DCAF5: variants seen among roughly 807,000 people sequenced by gnomAD.
The protein encoded by DCAF5 is DDB1 and CUL4 associated factor 5.
Under a neutral mutation model 80.7 loss-of-function variants are expected in DCAF5, and 9 were observed. That is an observed-to-expected ratio of 0.11 (90% CI 0.07 to 0.19). DCAF5 has a LOEUF of 0.19. Ranked by LOEUF, DCAF5 falls within the 10% of genes least tolerant of loss-of-function variation. The probability of loss-of-function intolerance (pLI) is 1.00; values close to 1 mark genes in which losing one functional copy is unlikely to be tolerated. For missense variants in DCAF5, 842 were observed against 1,205.7 expected, an observed-to-expected ratio of 0.70 and a Z score of 4.47; for synonymous variants, 433 against 461.9, an observed-to-expected ratio of 0.94 and a Z score of 0.80.
intron 6 of DCAF5, among the ~76,000 whole-genome samples, chr14:69,080,589 G>C (rs2039065463): frequency 6.6e-6 from 1 of 152,074 alleles, no homozygotes; most frequent in South Asian, 2.1e-4. Context: ...AATAGTACCT[G>C]CTCATTCTCA....
At chr14:69,129,671 A>C (rs1203669936) in intron 1 of DCAF5, among the ~76,000 whole-genome samples, 8 of 152,190 alleles carry the variant, frequency 5.3e-5, no homozygotes, top group Non-Finnish European at 1.2e-4. Context: ...CAGACCATTT[A>C]AGCCAGCCCC....
intron 6 of DCAF5, among the ~76,000 whole-genome samples, chr14:69,080,888 G>A (rs1438749524): frequency 6.6e-6 from 1 of 152,054 alleles, no homozygotes; most frequent in Non-Finnish European, 1.5e-5. Flanking sequence ...TGAAGTTTGT[G>A]GCCAAATGGG....
intron 5 of DCAF5, among the ~76,000 whole-genome samples, chr14:69,105,227 G>A (rs531899666): frequency 2.1e-4 from 32 of 152,088 alleles, no homozygotes; most frequent in African/African-American, 7.2e-4. Flanking sequence ...GCCAGAAGAT[G>A]GGACAATCCA....
At chr14:69,127,885 T>G (rs1268352789) in intron 1 of DCAF5, among the ~76,000 whole-genome samples, 2 of 152,200 alleles carry the variant, frequency 1.3e-5, no homozygotes, top group Non-Finnish European at 2.9e-5. Flanking sequence ...GAAGTAAATT[T>G]AACAAATCAT....
At chr14:69,066,618 T>C (rs1046797507) in intron 7 of DCAF5, among the ~76,000 whole-genome samples, 2 of 152,180 alleles carry the variant, frequency 1.3e-5, no homozygotes, top group East Asian at 3.8e-4. Flanking sequence ...GTAATCCACT[T>C]ACTACCGTAG....
chr14:69,078,874 CT>C (rs968533528), intron 6 of DCAF5, among the ~76,000 whole-genome samples: 16 of 149,364 alleles, frequency 1.1e-4, no homozygotes, highest in African/African-American at 2.9e-4. Flanking sequence ...TTAATGTACA[CT>C]TTTTTTTTTG....
Position 69,098,879 on chromosome 14 carries a change from C to T in DCAF5, c.666-6992G>A, listed in dbSNP as rs185970612. On this transcript the variant is annotated intron_variant, in intron 5 of 8. Transcript: ENST00000341516. ...CTGCACTCCAGCCTGGCCGACTGAG[C>T]GAGACTCTGTCTCCAAAAAAAAAAA... 3.3e-4 allele frequency among the ~76,000 whole-genome samples: 37 copies of T among 111,512 alleles called. No individual in the cohort carries two copies. In the East Asian group the frequency reaches 7.6e-3, roughly 23 times the overall value. The allele number at this position is 111,512 out of a possible 152,430, so 73.2% of individuals were successfully genotyped here. A position where few individuals can be genotyped will look rare whatever the true frequency, so the allele number is the denominator to read the frequency against.
chr14:69,085,760 G>C (rs1164730635), intron 6 of DCAF5, among the ~76,000 whole-genome samples: 12 of 151,982 alleles, frequency 7.9e-5, no homozygotes, highest in Admixed American at 2.6e-4. Context: ...AAAACAGAAA[G>C]TCTGCCCCCT....
intron 5 of DCAF5, among the ~76,000 whole-genome samples, chr14:69,112,594 TACACACACACACAC>T (rs3044674): frequency 0.012 from 1,693 of 145,240 alleles, 20 homozygotes; most frequent in South Asian, 0.048. Context: ...TATATATGTA[TACACACACACACAC>T]ACACACACAC....
At position 69,053,849 on chromosome 14, in the gene DCAF5, T is replaced by G. The variant is rs1191245623; in HGVS notation, c.*8A>C. ...CTTTTGTAGCTTTTTGTTTTCCCTT[T>G]GTATTTATCATGTTTTTAATTTCTT... On this transcript the variant is annotated 3_prime_UTR_variant, in exon 9 of 9. Coordinates refer to ENST00000341516, the MANE Select transcript of DCAF5 (RefSeq NM_003861.3). 6.3e-7 allele frequency: 1 copy of G among 1,586,838 alleles called. No individual in the cohort carries two copies. Among genetic ancestry groups the G allele is most frequent in the Non-Finnish European group, 8.5e-7 (1 of 1,173,336 alleles).
intron 8 of DCAF5, among the ~76,000 whole-genome samples, chr14:69,057,553 T>C (rs2038024079): frequency 6.6e-6 from 1 of 152,174 alleles, no homozygotes; most frequent in South Asian, 2.1e-4. Flanking sequence ...ATTTTTAAGT[T>C]CCAGTGTATT....
At chr14:69,084,257 G>A in intron 6 of DCAF5, 1 of 991,520 alleles carries the variant, frequency 1.0e-6, no homozygotes, top group East Asian at 2.4e-5. Context: ...TAGATCTGCT[G>A]AAGCACAGAA....
chr14:69,142,735 G>GT (rs1235344634), intron 1 of DCAF5, among the ~76,000 whole-genome samples: 2 of 152,104 alleles, frequency 1.3e-5, no homozygotes, highest in Non-Finnish European at 2.9e-5. Flanking sequence ...GCCCAGACAG[G>GT]TATTTTCTCC....
At chr14:69,096,221 G>T (rs1325564792) in intron 5 of DCAF5, among the ~76,000 whole-genome samples, 2 of 152,188 alleles carry the variant, frequency 1.3e-5, no homozygotes, top group Non-Finnish European at 2.9e-5. Context: ...GAAGGGAGAT[G>T]AAGAACCTGG....
At chr14:69,081,472 A>C (rs1395738861) in intron 6 of DCAF5, among the ~76,000 whole-genome samples, 1 of 152,184 alleles carries the variant, frequency 6.6e-6, no homozygotes, top group Non-Finnish European at 1.5e-5. Flanking sequence ...CCAAGAGGGC[A>C]AGCTATTTAC....
chr14:69,085,739 C>T lies in DCAF5; in HGVS notation c.879+5935G>A, dbSNP rs542981034. 2.6e-5 allele frequency among the ~76,000 whole-genome samples: 4 copies of T among 152,172 alleles called. No individual in the cohort carries two copies. In the South Asian group the frequency reaches 8.3e-4, roughly 32 times the overall value. On this transcript the variant is annotated intron_variant, in intron 6 of 8. Transcript: ENST00000341516. ...TAAAAAAAAGTTATATTCCCTCTACCTTCTCTTTACAAAACAGAAAGTCTG... is the reference window on the plus strand; with the variant it reads ...TAAAAAAAAGTTATATTCCCTCTACTTTCTCTTTACAAAACAGAAAGTCTG...
chr14:69,055,226 C>T lies in DCAF5; in HGVS notation c.1460G>A (p.Arg487Gln), dbSNP rs139500055. 76 of 1,614,028 alleles carry T rather than the reference C, an allele frequency of 4.7e-5. No homozygotes were observed. Among genetic ancestry groups the T allele is most frequent in the Admixed American group, 3.3e-5 (2 of 60,006 alleles). ...ADNAFHLGPL[R>Q]VTTTNTVAST... is the part of the protein sequence containing the mutation. ...GGCTACTGTGTTTGTGGTGGTGACCCGCAGGGGCCCCAGGTGGAAGGCGTT... is the reference window on the plus strand; with the variant it reads ...GGCTACTGTGTTTGTGGTGGTGACCTGCAGGGGCCCCAGGTGGAAGGCGTT... The change falls in exon 9 of 9, where the codon CGG becomes CAG. Residue 487 changes from arginine to glutamine, a missense_variant. Physicochemically the swap from Arg to Gln is conservative, Grantham distance 43. This residue lies in a region of DCAF5 where 607 missense variants were observed against 656.6 expected (regional missense o/e 0.92). Coordinates refer to ENST00000341516, the MANE Select transcript of DCAF5 (RefSeq NM_003861.3). The surrounding 1 kb of genome is among the most constrained non-coding windows in gnomAD (Gnocchi z 5.6).
chr14:69,098,980 C>T lies in DCAF5; in HGVS notation c.666-7093G>A, dbSNP rs148255814. ...TAAAACAAAACTAACAGGCCTGGCG[C>T]AGTGGCTCACACCTGTAATCCCAGC... On this transcript the variant is annotated intron_variant, in intron 5 of 8. Coordinates refer to ENST00000341516, the MANE Select transcript of DCAF5 (RefSeq NM_003861.3). Among the ~76,000 whole-genome samples, 831 of 151,128 alleles carry T rather than the reference C, an allele frequency of 5.5e-3. 5 individuals carry two copies. Among genetic ancestry groups the T allele is most frequent in the African/African-American group, 0.019 (787 of 41,154 alleles).
intron 5 of DCAF5, among the ~76,000 whole-genome samples, chr14:69,099,040 C>G (rs2039851817): frequency 6.6e-6 from 1 of 151,848 alleles, no homozygotes; most frequent in South Asian, 2.1e-4. Context: ...ATCACGAGGT[C>G]AAGAGATCGA....
Sources: gnomAD v4.1 joint callset for allele counts (sites outside exome capture counted in the v4.1 genomes callset) on GRCh38, gnomAD v4.1.1 for gene constraint, gnomAD v4.1.1 regional missense constraint, Gnocchi (gnomAD v3.1) non-coding constraint, MANE v1.5 for transcripts, NCBI Gene and HGNC (gene_info 2026-07-23, HGNC 2026-07-21) for gene names.